Variants in EML6 observed in about 807,000 individuals in gnomAD.
EML6 encodes EMAP like 6.
A neutral mutation model predicts 240.1 loss-of-function variants in EML6; 154 were observed. That is an observed-to-expected ratio of 0.64 (90% CI 0.56 to 0.73). EML6 has a LOEUF of 0.73. Ranked by LOEUF, EML6 falls within the 30% of genes least tolerant of loss-of-function variation. EML6 has a pLI of 0.00. For synonymous variants in EML6, 1,148 were observed against 899.0 expected (o/e 1.28, Z -4.95); for missense variants, 2,964 against 2,474.6 (o/e 1.20, Z -4.20).
At chr2:54,929,835 CT>C (rs1403963852) in intron 28 of EML6, among the ~76,000 whole-genome samples, 11 of 152,078 alleles carry the variant, frequency 7.2e-5, no homozygotes, top group African/African-American at 2.7e-4. Flanking sequence ...TCCCTAGCAT[CT>C]TTGTTAGATA....
At chr2:54,843,964 TTGTGTGTGTGTGTGTGTGTGTGTG>T (rs70944190) in intron 7 of EML6, 59 bp from the exon 8 acceptor site, 2 of 657,232 alleles carry the variant, frequency 3.0e-6, no homozygotes, top group Non-Finnish European at 5.3e-6. Flanking sequence ...CTTTAGGGTT[TTGTGTGTGTGTGTGTGTGTGTGTG>T]TGTGTGTGTG....
chr2:54,810,466 C>T (rs761245216), intron 2 of EML6, among the ~76,000 whole-genome samples: 8 of 152,236 alleles, frequency 5.3e-5, no homozygotes, highest in East Asian at 1.9e-4. Context: ...AACAACTGCT[C>T]GGAGCAGTGA....
intron 22 of EML6, among the ~76,000 whole-genome samples, chr2:54,901,242 G>C (rs1182283249): frequency 1.3e-5 from 2 of 152,182 alleles, no homozygotes; most frequent in Admixed American, 1.3e-4. Context: ...CCCATGCAGT[G>C]TGACTGTGAG....
chr2:54,823,610 C>G (rs1016155986), intron 5 of EML6, among the ~76,000 whole-genome samples: 2 of 152,020 alleles, frequency 1.3e-5, no homozygotes, highest in Admixed American at 6.6e-5. Flanking sequence ...TTGTTTCAGC[C>G]ATGAGTAAAA....
At chr2:54,948,322 T>C (rs904657735) in intron 28 of EML6, among the ~76,000 whole-genome samples, 2 of 151,910 alleles carry the variant, frequency 1.3e-5, no homozygotes, top group South Asian at 2.1e-4. Context: ...GTGCTGTCTG[T>C]CTCCTGTCCC....
chr2:54,873,408 A>G (rs994035215), intron 16 of EML6, among the ~76,000 whole-genome samples: 4 of 152,240 alleles, frequency 2.6e-5, no homozygotes, highest in African/African-American at 9.6e-5. Context: ...ACCACCTGCC[A>G]GCTGAATAAC....
intron 2 of EML6, among the ~76,000 whole-genome samples, chr2:54,787,481 C>G (rs763066450): frequency 1.3e-5 from 2 of 152,148 alleles, no homozygotes; most frequent in African/African-American, 4.8e-5. Context: ...CCTTAACCTC[C>G]GTGAGCCGCA....
chr2:54,797,172 A>AAAAAACAAC (rs1669844164), intron 2 of EML6, among the ~76,000 whole-genome samples: 1 of 140,948 alleles, frequency 7.1e-6, no homozygotes, highest in African/African-American at 2.5e-5. Flanking sequence ...CTCAAAAAAA[A>AAAAAACAAC]AAAAAAAAAA....
intron 24 of EML6, among the ~76,000 whole-genome samples, chr2:54,904,330 C>T (rs540274315): frequency 6.6e-5 from 10 of 152,214 alleles, no homozygotes; most frequent in South Asian, 4.2e-4. Flanking sequence ...CCTCAAGACT[C>T]GGCTGATGTT....
Position 54,899,664 on chromosome 2 carries a change from G to T in EML6, c.3006G>T (p.Trp1002Cys). Residue 1002 changes from tryptophan (W) to cysteine (C), a missense_variant, in exon 22 of 42, where the codon TGG (tryptophan) becomes TGT (cysteine). Coordinates refer to ENST00000356458, the MANE Select transcript of EML6 (RefSeq NM_001039753.4). ...LVQGHMEGEVWGLAAHPLLPI... is the reference protein window; with the variant it reads ...LVQGHMEGEVCGLAAHPLLPI... ...AGGGGCACATGGAAGGAGAAGTGTG[G>T]GGGTTGGCAGCTCACCCTCTCCTGC... is the stretch of plus-strand genomic sequence containing the variant. 1 of 1,553,746 alleles carries T rather than the reference G, an allele frequency of 6.4e-7. No homozygotes were observed. Among genetic ancestry groups the T allele is most frequent in the East Asian group, 2.4e-5 (1 of 41,132 alleles).
intron 10 of EML6, chr2:54,850,460 A>C (rs1670015022): frequency 2.3e-6 from 1 of 436,784 alleles, no homozygotes. Flanking sequence ...ACAACAAGGG[A>C]GATCGTGAAT....
chr2:54,773,137 G>A (rs545520729), intron 2 of EML6, among the ~76,000 whole-genome samples: 73 of 152,356 alleles, frequency 4.8e-4, no homozygotes, highest in African/African-American at 1.7e-3. Flanking sequence ...GGCTGGGTGA[G>A]CTAACTGTCC....
In EML6 at chr2:54,802,662, A is replaced by ACTACTGCTACTG. The variant is rs921655681; in HGVS notation, c.198-10559_198-10558insGCTACTGCTACT. On this transcript the variant is annotated intron_variant, in intron 2 of 41. Transcript: ENST00000356458. ...TACTACTACTACTACTACTACTACTACTACTGCTACTACTACTACTACCAA... is the reference window on the plus strand; with the variant it reads ...TACTACTACTACTACTACTACTACTACTACTGCTACTGCTACTGCTACTACTACTACTACCAA... Among the ~76,000 whole-genome samples, 466 of 145,660 alleles carry ACTACTGCTACTG rather than the reference A, an allele frequency of 3.2e-3. 3 individuals carry two copies. Among genetic ancestry groups the ACTACTGCTACTG allele is most frequent in the African/African-American group, 0.011 (432 of 37,826 alleles).
intron 2 of EML6, among the ~76,000 whole-genome samples, chr2:54,749,251 A>G (rs1196246060): frequency 6.6e-6 from 1 of 152,166 alleles, no homozygotes; most frequent in Non-Finnish European, 1.5e-5. Context: ...ATAATAAACA[A>G]TGTTTCTTCT....
chr2:54,877,427 C>A (rs1413123861), intron 16 of EML6, among the ~76,000 whole-genome samples: 2 of 150,428 alleles, frequency 1.3e-5, no homozygotes, highest in Non-Finnish European at 2.9e-5. Context: ...GTGATACTTA[C>A]AAAGGAAATG....
Position 54,793,509 on chromosome 2 carries a change from A to G in EML6, c.198-19723A>G, listed in dbSNP as rs1014690842. Among the ~76,000 whole-genome samples, 51 of 151,982 alleles carry G rather than the reference A, an allele frequency of 3.4e-4. 1 individual carries two copies. Among genetic ancestry groups the G allele is most frequent in the African/African-American group, 1.1e-3 (45 of 41,430 alleles). On this transcript the variant is annotated intron_variant, in intron 2 of 41. Transcript: ENST00000356458. ...TTTTTCTGTGCAATTCAAGGAAGGC[A>G]AATGGTTACTATGAACACTAAATCC...
intron 13 of EML6, among the ~76,000 whole-genome samples, chr2:54,864,303 G>C (rs552879643): frequency 1.3e-4 from 20 of 152,190 alleles, no homozygotes; most frequent in African/African-American, 3.6e-4. Flanking sequence ...TGTTAGCCCG[G>C]TTTTTCTATT....
intron 35 of EML6, among the ~76,000 whole-genome samples, chr2:54,961,438 C>A (rs780017834): frequency 6.6e-6 from 1 of 151,520 alleles, no homozygotes; most frequent in Non-Finnish European, 1.5e-5. Flanking sequence ...CCACCCACCA[C>A]GGCCTCCCAA....
At chr2:54,827,261 C>T (rs1387389641) in intron 5 of EML6, among the ~76,000 whole-genome samples, 2 of 152,198 alleles carry the variant, frequency 1.3e-5, no homozygotes, top group African/African-American at 4.8e-5. Flanking sequence ...CATGATTTGT[C>T]CACTTGATTC....
Sources: gnomAD v4.1 joint callset for allele counts (sites outside exome capture counted in the v4.1 genomes callset) on GRCh38, gnomAD v4.1.1 for gene constraint, MANE v1.5 for transcripts, NCBI Gene and HGNC (gene_info 2026-07-23, HGNC 2026-07-21) for gene names.